The following SLIT3 variants were observed in gnomAD, a reference collection of about 807,000 sequenced individuals.
SLIT3 encodes slit homolog 3 protein.
SLIT3 carries 68 observed loss-of-function variants against 184.0 expected under a neutral mutation model. The observed-to-expected ratio is 0.37, with a 90% CI of 0.30 to 0.45. SLIT3 has a LOEUF of 0.45. Among genes scored for constraint, SLIT3 ranks in the 20% least tolerant of loss-of-function variants. The probability of loss-of-function intolerance (pLI) is 1.00; values close to 1 mark genes in which losing one functional copy is unlikely to be tolerated. For synonymous variants in SLIT3, 831 were observed against 828.6 expected (o/e 1.00, Z -0.05); for missense variants, 1,707 against 2,026.0 (o/e 0.84, Z 3.02).
chr5:168,986,406 T>C (rs1188256018), intron 4 of SLIT3, among the ~76,000 whole-genome samples: 1 of 152,182 alleles, frequency 6.6e-6, no homozygotes, highest in Admixed American at 6.5e-5. Context: ...ATGGCCTCCA[T>C]AGCCCTCCTC....
intron 5 of SLIT3, among the ~76,000 whole-genome samples, chr5:168,870,759 T>G (rs1759485663): frequency 6.6e-6 from 1 of 152,262 alleles, no homozygotes; most frequent in African/African-American, 2.4e-5. Flanking sequence ...AATCTCATGT[T>G]GCACACTAAT....
intron 20 of SLIT3, among the ~76,000 whole-genome samples, chr5:168,736,675 G>C (rs1015525869): frequency 2.6e-5 from 4 of 151,376 alleles, no homozygotes; most frequent in African/African-American, 9.8e-5. Flanking sequence ...AGAGTGCCTG[G>C]GCTTGCCTCC....
chr5:168,806,311 CAA>C (rs1756954686), intron 9 of SLIT3, 133 bp downstream of exon 9: 3 of 940,674 alleles, frequency 3.2e-6, no homozygotes, highest in East Asian at 2.6e-5. Flanking sequence ...GGAAGGACAG[CAA>C]AGAGATTCCT....
At chr5:168,979,271 T>C (rs1257926838) in intron 4 of SLIT3, among the ~76,000 whole-genome samples, 1 of 152,158 alleles carries the variant, frequency 6.6e-6, no homozygotes, top group Non-Finnish European at 1.5e-5. Flanking sequence ...ATCACAGGCC[T>C]GTGTTGGGGC....
intron 4 of SLIT3, among the ~76,000 whole-genome samples, chr5:168,926,592 T>C (rs1034765340): frequency 2.0e-5 from 3 of 152,196 alleles, no homozygotes; most frequent in Non-Finnish European, 4.4e-5. Flanking sequence ...GATCTAACCG[T>C]GTTAAAGCCC....
chr5:168,842,463 T>G (rs1253096973), intron 6 of SLIT3, among the ~76,000 whole-genome samples: 1 of 123,480 alleles, frequency 8.1e-6, no homozygotes, highest in African/African-American at 3.3e-5. Context: ...TGGATACCGT[T>G]TTTTCGTTTT....
intron 1 of SLIT3, among the ~76,000 whole-genome samples, chr5:169,280,435 C>T (rs181408912): frequency 2.0e-5 from 3 of 152,174 alleles, no homozygotes; most frequent in African/African-American, 4.8e-5. Context: ...TCACATCCTC[C>T]CCACAGGCAA....
intron 4 of SLIT3, among the ~76,000 whole-genome samples, chr5:169,157,640 ATGTCC>A (rs1762354103): frequency 6.6e-6 from 1 of 152,210 alleles, no homozygotes; most frequent in Non-Finnish European, 1.5e-5. Context: ...AATACTCAAA[ATGTCC>A]AGTTTCAATA....
chr5:168,817,190 C>G, intron 8 of SLIT3, 110 bp downstream of exon 8: 1 of 997,000 alleles, frequency 1.0e-6, no homozygotes, highest in East Asian at 2.6e-5. Flanking sequence ...GGGTTCCTTC[C>G]ACACCAAGCT....
Position 168,764,742 on chromosome 5 carries a change from T to C in SLIT3, c.1460-2053A>G, listed in dbSNP as rs1004117644. On this transcript the variant is annotated intron_variant, in intron 14 of 35. Coordinates refer to ENST00000519560, the MANE Select transcript of SLIT3 (RefSeq NM_003062.4). Reference sequence around the variant, plus strand: ...TCTGCTCTCTCTCCATTTCCGCTCCTCCATCTCCCCTTCTACCGCTAGGCT... The same window carrying C: ...TCTGCTCTCTCTCCATTTCCGCTCCCCCATCTCCCCTTCTACCGCTAGGCT... 7.9e-5 allele frequency among the ~76,000 whole-genome samples: 12 copies of C among 152,248 alleles called. No homozygotes were observed. The South Asian group carries it at 1.5e-3, about 18-fold the overall frequency.
chr5:169,180,933 G>T (rs774126686), intron 4 of SLIT3, among the ~76,000 whole-genome samples: 11 of 152,122 alleles, frequency 7.2e-5, no homozygotes, highest in Non-Finnish European at 1.6e-4. Context: ...GTCCCTGAAG[G>T]TCTCAGTTGG....
intron 28 of SLIT3, among the ~76,000 whole-genome samples, chr5:168,694,330 C>T (rs1299697979): frequency 6.6e-6 from 1 of 152,210 alleles, no homozygotes; most frequent in African/African-American, 2.4e-5. Flanking sequence ...TCTTCTGGCA[C>T]TAAGCTGATT....
At chr5:169,250,908 TC>T (rs1765753054) in intron 2 of SLIT3, among the ~76,000 whole-genome samples, 1 of 152,208 alleles carries the variant, frequency 6.6e-6, no homozygotes, top group Non-Finnish European at 1.5e-5. Context: ...AATGCCCATT[TC>T]AAATTTTGCT....
intron 4 of SLIT3, among the ~76,000 whole-genome samples, chr5:168,923,586 G>A (rs889999243): frequency 2.0e-5 from 3 of 148,590 alleles, no homozygotes; most frequent in Non-Finnish European, 4.4e-5. Flanking sequence ...GCACAGTCTC[G>A]ACTCACTGCA....
In SLIT3 at chr5:168,806,582, G is replaced by C. The variant is rs756798557; in HGVS notation, c.799C>G (p.His267Asp). 14 of 1,613,996 alleles carry C rather than the reference G, an allele frequency of 8.7e-6. No individual in the cohort carries two copies. The highest frequency in any genetic ancestry group is 1.6e-4 in the Middle Eastern group (1 of 6,084). The change falls in exon 9 of 36, where the codon CAC becomes GAC. Residue 267 changes from histidine to aspartate, a missense_variant. His to Asp is a moderately conservative substitution (Grantham distance 81, BLOSUM62 -1). Transcript: ENST00000519560. The part of the protein sequence containing the change: ...QKKEYVCPAP[H>D]SEPPSCNANS... ...GCATTGCAGGATGGGGGCTCCGAGT[G>C]GGGGGCTGTGGAGCCAAGACACAAC...
At chr5:169,056,376 C>T (rs1039329329) in intron 4 of SLIT3, among the ~76,000 whole-genome samples, 1 of 152,180 alleles carries the variant, frequency 6.6e-6, no homozygotes, top group African/African-American at 2.4e-5. Flanking sequence ...GTTCCTTCTG[C>T]AGTCCATTAA....
chr5:169,240,397 C>T (rs551976859), intron 3 of SLIT3, among the ~76,000 whole-genome samples: 1 of 151,222 alleles, frequency 6.6e-6, no homozygotes, highest in East Asian at 1.9e-4. Context: ...ATTTGCTTTC[C>T]ATATTTTCAG....
intron 4 of SLIT3, among the ~76,000 whole-genome samples, chr5:169,182,389 C>T (rs1322144875): frequency 6.6e-6 from 1 of 152,152 alleles, no homozygotes; most frequent in Admixed American, 6.5e-5. Context: ...CATTACAGAC[C>T]TCAACCTCCT....
intron 4 of SLIT3, among the ~76,000 whole-genome samples, chr5:168,946,991 G>T (rs1404673445): frequency 6.6e-6 from 1 of 152,078 alleles, no homozygotes; most frequent in Admixed American, 6.5e-5. Context: ...ATGTATGGGG[G>T]TGTATTGTTA....
Sources: allele counts gnomAD v4.1 joint callset (sites outside exome capture counted in the v4.1 genomes callset), GRCh38; gene constraint gnomAD v4.1.1; transcripts MANE v1.5; gene names NCBI Gene and HGNC (gene_info 2026-07-23, HGNC 2026-07-21).